The following MICAL3 variants were observed in gnomAD, a reference collection of about 807,000 sequenced individuals.
MICAL3 encodes microtubule associated monooxygenase, calponin and LIM domain containing 3.
MICAL3 carries 62 observed loss-of-function variants against 207.4 expected under a neutral mutation model. That is an observed-to-expected ratio of 0.30 (90% CI 0.24 to 0.37). The LOEUF (loss-of-function observed/expected upper bound fraction) is 0.37. Among genes scored for constraint, MICAL3 ranks in the 10% least tolerant of loss-of-function variants. The probability of loss-of-function intolerance (pLI) is 1.00; values close to 1 mark genes in which losing one functional copy is unlikely to be tolerated. For missense variants in MICAL3, 2,368 were observed against 2,635.6 expected, an observed-to-expected ratio of 0.90 and a Z score of 2.22; for synonymous variants, 1,077 against 1,069.3, an observed-to-expected ratio of 1.01 and a Z score of -0.14.
intron 22 of MICAL3, among the ~76,000 whole-genome samples, chr22:17,825,999 T>G (rs1390335685): frequency 1.3e-5 from 2 of 152,108 alleles, no homozygotes; most frequent in Non-Finnish European, 2.9e-5. Flanking sequence ...CACCCGCCCA[T>G]CCTCTGCTCT....
At chr22:17,971,816 C>T (rs1327123602) in intron 1 of MICAL3, among the ~76,000 whole-genome samples, 5 of 152,208 alleles carry the variant, frequency 3.3e-5, no homozygotes, top group African/African-American at 7.2e-5. Flanking sequence ...GTATCCAGCC[C>T]GACCCGGGAG....
At chr22:17,826,874 G>A (rs972066521) in intron 22 of MICAL3, among the ~76,000 whole-genome samples, 9 of 137,590 alleles carry the variant, frequency 6.5e-5, no homozygotes, top group Admixed American at 6.3e-4. Flanking sequence ...AGGAACAAAC[G>A]TCTTATTAAT....
At chr22:17,995,491 A>AT (rs138357470) in intron 1 of MICAL3, among the ~76,000 whole-genome samples, 1,470 of 77,650 alleles carry the variant, frequency 0.019, 23 homozygotes, top group South Asian at 0.026. Flanking sequence ...CTTTTCTTTA[A>AT]TTTTTTTTTT....
chr22:17,859,544 G>A (rs1926287800), intron 19 of MICAL3, among the ~76,000 whole-genome samples: 1 of 152,252 alleles, frequency 6.6e-6, no homozygotes, highest in African/African-American at 2.4e-5. Flanking sequence ...AGTCCCTCCA[G>A]GCTGGAGAAG....
chr22:17,820,042 G>C (rs937064362), intron 25 of MICAL3, among the ~76,000 whole-genome samples: 2 of 151,192 alleles, frequency 1.3e-5, no homozygotes, highest in Non-Finnish European at 2.9e-5. Flanking sequence ...TGAGGCAGGA[G>C]GATTGCTTGA....
At chr22:17,837,634 A>G (rs1308008043) in intron 20 of MICAL3, among the ~76,000 whole-genome samples, 1 of 152,234 alleles carries the variant, frequency 6.6e-6, no homozygotes, top group African/African-American at 2.4e-5. Flanking sequence ...GGTCTCCTCC[A>G]GGAGACAGGC....
rs796285038 is a variant in MICAL3, at chr22:17,962,403, G to A, written c.-74-55517C>T. ...GGCTGGGCAGAGGTAGAGAAGCAGC[G>A]CTGCACAGGCAGGCAGCTGACCCAG... On this transcript the variant is annotated intron_variant, in intron 1 of 31. Coordinates refer to ENST00000441493, the MANE Select transcript of MICAL3 (RefSeq NM_015241.3). Among the ~76,000 whole-genome samples the A allele has an allele frequency of 1.4e-4, 22 of 152,234 alleles. No homozygotes were observed. In the East Asian group the frequency reaches 2.5e-3, roughly 17 times the overall value.
intron 1 of MICAL3, among the ~76,000 whole-genome samples, chr22:17,913,374 G>C (rs2146282153): frequency 6.6e-6 from 1 of 152,290 alleles, no homozygotes; most frequent in Non-Finnish European, 1.5e-5. Context: ...GTACTTGAAG[G>C]ACCGGTCCTG....
At chr22:17,827,051 G>A (rs950732223) in intron 22 of MICAL3, among the ~76,000 whole-genome samples, 3 of 152,156 alleles carry the variant, frequency 2.0e-5, no homozygotes, top group African/African-American at 4.8e-5. Flanking sequence ...ATGGCACAGC[G>A]GCCACCACGT....
At chr22:17,834,588 A>G (rs995307222) in intron 20 of MICAL3, 2 of 1,123,940 alleles carry the variant, frequency 1.8e-6, no homozygotes, top group Admixed American at 9.3e-5. Flanking sequence ...AAAAATAACA[A>G]AAGCTCCTTA....
At position 17,939,678 on chromosome 22, in the gene MICAL3, A is replaced by C. The variant is rs565377692; in HGVS notation, c.-74-32792T>G. On this transcript the variant is annotated intron_variant, in intron 1 of 31. Coordinates refer to ENST00000441493, the MANE Select transcript of MICAL3 (RefSeq NM_015241.3). The stretch of plus-strand genomic sequence containing the variant: ...TGATTTCCAAAGGAGCTAGACAAAC[A>C]CTTTTTTCCACATGTAGAAATGAAA... Among the ~76,000 whole-genome samples, 3 of 152,170 alleles carry C rather than the reference A, an allele frequency of 2.0e-5. No homozygotes were observed. In the South Asian group the frequency reaches 6.2e-4, roughly 32 times the overall value.
rs73151065 is a variant in MICAL3, at chr22:17,952,520, A to G, written c.-74-45634T>C. Reference sequence around the variant, plus strand: ...GGGAGAAGTGGAAACAGAAAGAGAGAAGAGGCTCAGGAAGCAGCCAATCAC... The same window carrying G: ...GGGAGAAGTGGAAACAGAAAGAGAGGAGAGGCTCAGGAAGCAGCCAATCAC... On this transcript the variant is annotated intron_variant, in intron 1 of 31. Coordinates refer to ENST00000441493, the MANE Select transcript of MICAL3 (RefSeq NM_015241.3). Among the ~76,000 whole-genome samples, 568 of 152,348 alleles carry G rather than the reference A, an allele frequency of 3.7e-3. 1 individual carries two copies. Among genetic ancestry groups the G allele is most frequent in the Non-Finnish European group, 6.1e-3 (417 of 68,028 alleles).
rs146000186 is a variant in MICAL3, at chr22:17,907,798, A to G, written c.-74-912T>C. Among the ~76,000 whole-genome samples, 11 of 152,310 alleles carry G rather than the reference A, an allele frequency of 7.2e-5. No individual in the cohort carries two copies. In the East Asian group the frequency reaches 1.7e-3, roughly 24 times the overall value. Reference sequence around the variant, plus strand: ...AAGTCTAAGGAGCAGAAAGTTCGAGAGTGTCAAAGTTGGCAGGGATTAAAA... The same window carrying G: ...AAGTCTAAGGAGCAGAAAGTTCGAGGGTGTCAAAGTTGGCAGGGATTAAAA... On this transcript the variant is annotated intron_variant, in intron 1 of 31. Transcript: ENST00000441493.
At chr22:17,864,348 A>T in intron 19 of MICAL3, 1 of 1,241,904 alleles carries the variant, frequency 8.1e-7, no homozygotes, top group Non-Finnish European at 1.0e-6. Context: ...GGCAGACAGG[A>T]GAGCAGCCAC....
chr22:17,964,664 C>G (rs781264826), intron 1 of MICAL3, among the ~76,000 whole-genome samples: 13 of 152,236 alleles, frequency 8.5e-5, no homozygotes, highest in African/African-American at 1.2e-4. Context: ...GTAGGGAAAT[C>G]TGGTCCACAA....
intron 29 of MICAL3, among the ~76,000 whole-genome samples, chr22:17,794,917 G>A (rs761448289): frequency 2.0e-5 from 3 of 152,184 alleles, no homozygotes; most frequent in Non-Finnish European, 4.4e-5. Context: ...GCCTCGGCCC[G>A]CGGGGAGGGC....
intron 1 of MICAL3, chr22:18,005,435 T>A (rs1262867253): frequency 1.3e-5 from 2 of 152,106 alleles, no homozygotes; most frequent in Non-Finnish European, 2.9e-5. Flanking sequence ...TTCTTTCCAT[T>A]GCAATTCCTG....
intron 8 of MICAL3, 56 bp downstream of exon 8, chr22:17,896,668 T>A: frequency 6.4e-7 from 1 of 1,568,534 alleles, no homozygotes; most frequent in Non-Finnish European, 8.7e-7. Flanking sequence ...GATGCCCAGA[T>A]TCACTCCTAA....
chr22:17,852,948 G>C (rs1401339323), intron 19 of MICAL3, among the ~76,000 whole-genome samples: 1 of 152,028 alleles, frequency 6.6e-6, no homozygotes, highest in African/African-American at 2.4e-5. Flanking sequence ...GGTGGTATGT[G>C]ACTGTAATCC....
Sources: allele counts gnomAD v4.1 joint callset (sites outside exome capture counted in the v4.1 genomes callset), GRCh38; gene constraint gnomAD v4.1.1; transcripts MANE v1.5; gene names NCBI Gene and HGNC (gene_info 2026-07-23, HGNC 2026-07-21).